The following ERCC8 variants were observed in gnomAD, a reference collection of about 807,000 sequenced individuals.
The protein encoded by ERCC8 is DNA excision repair protein ERCC-8.
A neutral mutation model predicts 54.9 loss-of-function variants in ERCC8; 52 were observed. The ratio of observed to expected loss-of-function variants is 0.95; its 90% CI spans 0.76 to 1.19. The LOEUF is 1.19. Among genes scored for constraint, ERCC8 ranks in the 50% most tolerant of loss-of-function variants. ERCC8 has a pLI of 0.00. For missense variants in ERCC8, 514 were observed against 466.1 expected (o/e 1.10, Z -0.95); for synonymous variants, 146 against 157.2 (o/e 0.93, Z 0.53).
chr5:60,914,078 G>A (rs1749354122), intron 4 of ERCC8, among the ~76,000 whole-genome samples: 1 of 152,114 alleles, frequency 6.6e-6, no homozygotes, highest in Admixed American at 6.6e-5. Context: ...TTGATTTGGG[G>A]TGGAGAGTTC....
rs533451521 is a variant in ERCC8 at position 60,923,037 on chromosome 5, G to A, written c.174-882C>T. 5.3e-5 allele frequency among the ~76,000 whole-genome samples: 8 copies of A among 152,096 alleles called. No homozygotes were observed. In the East Asian group the frequency reaches 1.5e-3, roughly 29 times the overall value. ...TAGGAACCAAAAGAAGGGATTTGTT[G>A]CTGGAGCAGTGTGGAAGGGAAAGAG... On this transcript the variant is annotated intron_variant, in intron 2 of 11. Transcript: ENST00000676185.
chr5:60,891,771 C>T (rs779968300), intron 9 of ERCC8, among the ~76,000 whole-genome samples: 6 of 151,658 alleles, frequency 4.0e-5, no homozygotes, highest in Non-Finnish European at 7.4e-5. Context: ...ACTCTTTTTC[C>T]TGGAGAGAGT....
At chr5:60,883,023 G>A (rs78817947) in intron 11 of ERCC8, among the ~76,000 whole-genome samples, 3,630 of 150,610 alleles carry the variant, frequency 0.024, 60 homozygotes, top group Non-Finnish European at 0.037. Flanking sequence ...AGGTGGATAA[G>A]CCACATGAGG....
intron 1 of ERCC8, among the ~76,000 whole-genome samples, chr5:60,937,955 T>C (rs1410586407): frequency 6.6e-6 from 1 of 151,396 alleles, no homozygotes; most frequent in Non-Finnish European, 1.5e-5. Flanking sequence ...TCCTCTGTTT[T>C]AGTGTCTTAA....
intron 2 of ERCC8, among the ~76,000 whole-genome samples, chr5:60,927,100 C>T (rs941666107): frequency 6.6e-6 from 1 of 152,146 alleles, no homozygotes; most frequent in African/African-American, 2.4e-5. Flanking sequence ...AAAATTCAAG[C>T]TTCACAGAGT....
chr5:60,928,753 T>A (rs1373042238), intron 2 of ERCC8, 111 bp downstream of exon 2: 11 of 659,132 alleles, frequency 1.7e-5, no homozygotes, highest in Non-Finnish European at 3.0e-5. Context: ...ATGCTACAAT[T>A]TAGGATTTTC....
chr5:60,907,342 T>C (rs1486460619), intron 4 of ERCC8: 1 of 148,876 alleles, frequency 6.7e-6, no homozygotes, highest in African/African-American at 2.5e-5. Context: ...CCTGTTATCA[T>C]AGAAACATGA....
At chr5:60,903,273 T>G (rs1580005333) in intron 6 of ERCC8, 1 of 176,886 alleles carries the variant, frequency 5.7e-6, no homozygotes, top group Non-Finnish European at 1.2e-5. Flanking sequence ...ATATTTTTAC[T>G]GAGAAAAAAT....
At chr5:60,878,103 G>C (rs1167937584) in intron 11 of ERCC8, among the ~76,000 whole-genome samples, 1 of 152,126 alleles carries the variant, frequency 6.6e-6, no homozygotes, top group Non-Finnish European at 1.5e-5. Context: ...TTTGTCAAAC[G>C]CCTTTTCTGC....
At chr5:60,915,847 C>T (rs1246449668) in intron 4 of ERCC8, among the ~76,000 whole-genome samples, 1 of 151,948 alleles carries the variant, frequency 6.6e-6, no homozygotes, top group Non-Finnish European at 1.5e-5. Flanking sequence ...TGATTGGCAA[C>T]CTTAATTCCC....
chr5:60,902,051 C>T (rs764120654), intron 7 of ERCC8, among the ~76,000 whole-genome samples: 35 of 151,852 alleles, frequency 2.3e-4, no homozygotes, highest in Non-Finnish European at 8.8e-5. Flanking sequence ...ATGCTTGGCA[C>T]GTGGGAGGAA....
intron 11 of ERCC8, among the ~76,000 whole-genome samples, chr5:60,884,722 T>C (rs1242599878): frequency 1.3e-5 from 2 of 152,036 alleles, no homozygotes; most frequent in East Asian, 3.8e-4. Context: ...GTTCTGCCTA[T>C]ATTCACAGGA....
At chr5:60,930,828 C>T (rs889657138) in intron 1 of ERCC8, among the ~76,000 whole-genome samples, 7 of 151,858 alleles carry the variant, frequency 4.6e-5, no homozygotes, top group Admixed American at 6.6e-5. Context: ...AAAGCCAGGC[C>T]GGGCATGGTG....
rs1334870733 is a variant in ERCC8, at chr5:60,868,820, G to T, written c.*5795C>A. On this transcript the variant is annotated 3_prime_UTR_variant, in exon 12 of 12. Coordinates refer to ENST00000676185, the MANE Select transcript of ERCC8 (RefSeq NM_000082.4). ...CTTCCCTGAATTTAATACTTTTCCA[G>T]AATTAAAACAGAAGAACTAGCACTA... Among the ~76,000 whole-genome samples, 1 of 152,100 alleles carries T rather than the reference G, an allele frequency of 6.6e-6. No individual in the cohort carries two copies. Among genetic ancestry groups the T allele is most frequent in the African/African-American group, 2.4e-5 (1 of 41,422 alleles).
chr5:60,917,671 G>A (rs1749477051), intron 4 of ERCC8: 1 of 153,234 alleles, frequency 6.5e-6, no homozygotes. Flanking sequence ...ACCATGTTAA[G>A]TTTGAAGGGA....
At chr5:60,912,430 C>T (rs533316443) in intron 4 of ERCC8, among the ~76,000 whole-genome samples, 29 of 152,120 alleles carry the variant, frequency 1.9e-4, no homozygotes, top group South Asian at 1.2e-3. Context: ...GTGATTTTTG[C>T]ATGTTGATTT....
intron 4 of ERCC8, among the ~76,000 whole-genome samples, chr5:60,912,418 T>C (rs1012265457): frequency 6.6e-6 from 1 of 152,128 alleles, no homozygotes; most frequent in African/African-American, 2.4e-5. Flanking sequence ...ATAGGAATGC[T>C]TGTGATTTTT....
At chr5:60,936,779 T>C (rs1750080670) in intron 1 of ERCC8, among the ~76,000 whole-genome samples, 1 of 152,252 alleles carries the variant, frequency 6.6e-6, no homozygotes, top group Non-Finnish European at 1.5e-5. Flanking sequence ...AGGTATTCTA[T>C]GTCAATTTTT....
intron 4 of ERCC8, among the ~76,000 whole-genome samples, chr5:60,915,987 G>A (rs1749421684): frequency 6.6e-6 from 1 of 151,874 alleles, no homozygotes; most frequent in Non-Finnish European, 1.5e-5. Flanking sequence ...CTAAGAGCCT[G>A]GGTGTTTTCC....
Sources: gnomAD v4.1 joint callset for allele counts (sites outside exome capture counted in the v4.1 genomes callset) on GRCh38, gnomAD v4.1.1 for gene constraint, MANE v1.5 for transcripts, NCBI Gene and HGNC (gene_info 2026-07-23, HGNC 2026-07-21) for gene names.